The following PRR12 variants were observed in gnomAD, a reference collection of about 807,000 sequenced individuals.
PRR12 encodes proline rich 12.
PRR12 carries 12 observed loss-of-function variants against 138.0 expected under a neutral mutation model. The ratio of observed to expected loss-of-function variants is 0.09; its 90% confidence interval spans 0.06 to 0.14. The LOEUF is 0.14. Ranked by LOEUF, PRR12 falls within the 10% of genes least tolerant of loss-of-function variation. PRR12 has a pLI of 1.00. For missense variants in PRR12, 2,692 were observed against 2,861.3 expected (o/e 0.94, Z 1.35); for synonymous variants, 1,567 against 1,291.7 (o/e 1.21, Z -4.57).
At position 49,616,530 on chromosome 19, in the gene PRR12, A is replaced by G. The variant is rs1360148278; in HGVS notation, c.5497+311A>G. 6.6e-6 allele frequency among the ~76,000 whole-genome samples: 1 copy of G among 152,078 alleles called. No homozygotes were observed. Among genetic ancestry groups the G allele is most frequent in the East Asian group, 1.9e-4 (1 of 5,184 alleles). On this transcript the variant is annotated intron_variant, in intron 9 of 13. Coordinates refer to ENST00000418929, the MANE Select transcript of PRR12 (RefSeq NM_020719.3). The surrounding 1 kb of genome is among the most constrained non-coding windows in gnomAD (Gnocchi z 4.2). ...GTGTTGGGTGCCCAGCAGAGTTGCA[A>G]CTGAGCCCAGGGTGCCTCGGACTCT...
Position 49,591,646 on chromosome 19 carries a change from G to T in PRR12, c.-9G>T. 1.3e-6 allele frequency: 1 copy of T among 764,400 alleles called. No individual in the cohort carries two copies. Among genetic ancestry groups the T allele is most frequent in the Non-Finnish European group, 1.8e-6 (1 of 563,940 alleles). 47.4% of individuals were successfully genotyped at this position (764,400 alleles called of 1,614,324 possible). ...TCCCCCTCCCCCCAATTTCCACCGC[G>T]GCCAATTCATGGACAGGAACTACCC... On this transcript the variant is annotated 5_prime_UTR_variant, in exon 1 of 14. Coordinates refer to ENST00000418929, the MANE Select transcript of PRR12 (RefSeq NM_020719.3).
chr19:49,625,001 G>C lies in PRR12; in HGVS notation c.5868+11G>C. The C allele has an allele frequency of 6.2e-7, 1 of 1,603,040 alleles. No individual in the cohort carries two copies. On this transcript the variant is annotated intron_variant, in intron 12 of 13. Coordinates refer to ENST00000418929, the MANE Select transcript of PRR12 (RefSeq NM_020719.3). The surrounding 1 kb of genome is among the most constrained non-coding windows in gnomAD (Gnocchi z 5.5). ...GTGGTCAGAGCCCAGGTGGGCACTGGGGCTGGGGCTGGGAGTGGGGAGTGC... is the reference window on the plus strand; with the variant it reads ...GTGGTCAGAGCCCAGGTGGGCACTGCGGCTGGGGCTGGGAGTGGGGAGTGC...
intron 6 of PRR12, among the ~76,000 whole-genome samples, chr19:49,603,315 G>A (rs2048413165): frequency 6.6e-6 from 1 of 152,244 alleles, no homozygotes; most frequent in African/African-American, 2.4e-5. Flanking sequence ...TGGACGCCAA[G>A]GCCATTCTCC....
At chr19:49,611,515 G>A (rs1029242171) in intron 6 of PRR12, among the ~76,000 whole-genome samples, 1 of 151,750 alleles carries the variant, frequency 6.6e-6, no homozygotes, top group African/African-American at 2.4e-5. Flanking sequence ...GCAGGTGCCT[G>A]TAATCCCAGC....
rs1176998812 is a variant in PRR12 at position 49,595,704 on chromosome 19, T to C, written c.1369T>C (p.Tyr457His). The change falls in exon 4 of 14, where the codon TAC (tyrosine) becomes CAC (histidine). Residue 457 changes from tyrosine to histidine, a missense_variant. By Grantham distance (83) the Tyr-to-His change is moderately conservative. Coordinates refer to ENST00000418929, the MANE Select transcript of PRR12 (RefSeq NM_020719.3). ...QPQGLLGPQA[Y>H]GQGFGGGQAQ... ...TCAAGGGCTTCTGGGACCCCAGGCC[T>C]ACGGGCAAGGGTTTGGAGGGGGGCA... 6.3e-7 allele frequency: 1 copy of C among 1,591,722 alleles called. No individual in the cohort carries two copies. Among genetic ancestry groups the C allele is most frequent in the Non-Finnish European group, 8.5e-7 (1 of 1,169,682 alleles).
Position 49,616,327 on chromosome 19 carries a change from A to G in PRR12, c.5497+108A>G. 9.9e-7 allele frequency: 1 copy of G among 1,006,524 alleles called. No homozygotes were observed. Among genetic ancestry groups the G allele is most frequent in the Non-Finnish European group, 1.4e-6 (1 of 710,618 alleles). The allele number at this position is 1,006,524 out of a possible 1,614,324, so 62.3% of individuals were successfully genotyped here. Reference sequence around the variant, plus strand: ...CCTTGGCAGGACAGTAAGAACCAGTATGTTACAGATAATGGCAGTAGCTCA... The same window carrying G: ...CCTTGGCAGGACAGTAAGAACCAGTGTGTTACAGATAATGGCAGTAGCTCA... On this transcript the variant is annotated intron_variant, in intron 9 of 13. Transcript: ENST00000418929. This position sits in a 1 kb window ranked among gnomAD's most constrained non-coding sequence, Gnocchi z 4.2.
chr19:49,597,877 T>A lies in PRR12; in HGVS notation c.3542T>A (p.Val1181Asp). Reference sequence around the variant, plus strand: ...AGGCCCCGGATCCGCCCCCTGGAGGTCCCGACCACTGCGGGGCCCGCCTCG... The same window carrying A: ...AGGCCCCGGATCCGCCCCCTGGAGGACCCGACCACTGCGGGGCCCGCCTCG... ...RGRPRIRPLE[V>D]PTTAGPASAS... is the part of the protein sequence containing the mutation. The change falls in exon 4 of 14, where the codon GTC (valine) becomes GAC (aspartate). Residue 1181 changes from valine to aspartate, a missense_variant. Around this residue, in one of 11 missense-constraint regions of PRR12, gnomAD observed 326 missense variants for 344.2 expected, o/e 0.95. Transcript: ENST00000418929. The surrounding 1 kb of genome is among the most constrained non-coding windows in gnomAD (Gnocchi z 6.3). The A allele has an allele frequency of 1.4e-6, 2 of 1,444,672 alleles. No individual in the cohort carries two copies. Among genetic ancestry groups the A allele is most frequent in the South Asian group, 1.5e-5 (1 of 67,948 alleles). 89.5% of individuals were successfully genotyped at this position (1,444,672 alleles called of 1,614,324 possible).
intron 6 of PRR12, among the ~76,000 whole-genome samples, chr19:49,611,603 A>C (rs1474185057): frequency 7.2e-6 from 1 of 138,682 alleles, no homozygotes; most frequent in Non-Finnish European, 1.5e-5. Flanking sequence ...ACGTCACTGT[A>C]CTCCACCCTA....
At chr19:49,611,369 G>T (rs1395805863) in intron 6 of PRR12, among the ~76,000 whole-genome samples, 1 of 151,804 alleles carries the variant, frequency 6.6e-6, no homozygotes, top group Admixed American at 6.6e-5. Flanking sequence ...AGGCACAGTG[G>T]CTCACGCTTG....
At chr19:49,610,822 T>C (rs1210985172) in intron 6 of PRR12, among the ~76,000 whole-genome samples, 3 of 151,656 alleles carry the variant, frequency 2.0e-5, no homozygotes, top group Non-Finnish European at 2.9e-5. Flanking sequence ...GGATTACAGA[T>C]GTGAGCCACT....
At position 49,597,550 on chromosome 19, in the gene PRR12, T is replaced by C; in HGVS notation, c.3215T>C (p.Leu1072Pro). Residue 1072 changes from leucine to proline, a missense_variant, in exon 4 of 14, where the codon CTG (leucine) becomes CCG (proline). This residue lies in a region of PRR12 where 840 missense variants were observed against 689.8 expected (regional missense o/e 1.22). Transcript: ENST00000418929. This position sits in a 1 kb window ranked among gnomAD's most constrained non-coding sequence, Gnocchi z 6.3. ...TTCTGCTCTACCAAGCCAAAGAAGCTGCTCAAGACATCCTCCTTCCACCTG... is the reference window on the plus strand; with the variant it reads ...TTCTGCTCTACCAAGCCAAAGAAGCCGCTCAAGACATCCTCCTTCCACCTG... ...PIFCSTKPKK[L>P]LKTSSFHLLR... 6.3e-7 allele frequency: 1 copy of C among 1,586,112 alleles called. No homozygotes were observed. Among genetic ancestry groups the C allele is most frequent in the Non-Finnish European group, 8.6e-7 (1 of 1,168,402 alleles).
In PRR12 at chr19:49,616,261, G is replaced by A. The variant is rs1001383726; in HGVS notation, c.5497+42G>A. On this transcript the variant is annotated intron_variant, in intron 9 of 13. Transcript: ENST00000418929. The surrounding 1 kb of genome is among the most constrained non-coding windows in gnomAD (Gnocchi z 4.2). ...CCTCAGGGCTGCAGGGGTGGGTGGG[G>A]AAGGGACACAGGTGAGGGCTGTCCA... 2 of 1,444,286 alleles carry A rather than the reference G, an allele frequency of 1.4e-6. No homozygotes were observed. Among genetic ancestry groups the A allele is most frequent in the Non-Finnish European group, 9.2e-7 (1 of 1,085,364 alleles). 89.5% of individuals were successfully genotyped at this position (1,444,286 alleles called of 1,614,324 possible). A position where few individuals can be genotyped will look rare whatever the true frequency, so the allele number is the denominator to read the frequency against.
At chr19:49,607,757 G>A (rs1223727906) in intron 6 of PRR12, among the ~76,000 whole-genome samples, 4 of 151,590 alleles carry the variant, frequency 2.6e-5, no homozygotes, top group Non-Finnish European at 5.9e-5. Context: ...GGTGGCTCAC[G>A]CCTGTAATCG....
At chr19:49,615,035 C>CA (rs1568429785) in intron 8 of PRR12, 26 bp downstream of exon 8, 1 of 1,613,042 alleles carries the variant, frequency 6.2e-7, no homozygotes, top group East Asian at 2.2e-5. Context: ...GACACAGGGG[C>CA]AGGTAGTATG....
chr19:49,596,075 C>G lies in PRR12; in HGVS notation c.1740C>G (p.Val580=). Residue 580 remains valine (V), a synonymous_variant, in exon 4 of 14, where the codon GTC becomes GTG. Coordinates refer to ENST00000418929, the MANE Select transcript of PRR12 (RefSeq NM_020719.3). This position sits in a 1 kb window ranked among gnomAD's most constrained non-coding sequence, Gnocchi z 5.6. ...SPPATGRPPG[V]GSPGAPGKYL... ...CTGCCACCGGCCGTCCACCTGGAGT[C>G]GGCTCTCCAGGAGCCCCTGGCAAAT... 6.2e-7 allele frequency: 1 copy of G among 1,601,752 alleles called. No homozygotes were observed. Among genetic ancestry groups the G allele is most frequent in the Non-Finnish European group, 8.5e-7 (1 of 1,179,728 alleles).
intron 1 of PRR12, 78 bp downstream of exon 1, chr19:49,591,818 C>T: frequency 4.5e-6 from 4 of 884,290 alleles, no homozygotes; most frequent in Non-Finnish European, 6.2e-6. Context: ...CGGGCCGGGC[C>T]CGCCCGGCGA....
chr19:49,618,751 C>A (rs944506739), intron 9 of PRR12, among the ~76,000 whole-genome samples: 40 of 152,074 alleles, frequency 2.6e-4, no homozygotes, highest in African/African-American at 9.4e-4. Context: ...CTGTCCGCCC[C>A]CATCCCCTCC....
chr19:49,594,372 TG>T lies in PRR12; in HGVS notation c.200-81del. 7.3e-7 allele frequency: 1 copy of T among 1,368,168 alleles called. No homozygotes were observed. The highest frequency in any genetic ancestry group is 9.9e-7 in the Non-Finnish European group (1 of 1,008,672). 84.8% of individuals were successfully genotyped at this position (1,368,168 alleles called of 1,614,324 possible). A position where few individuals can be genotyped will look rare whatever the true frequency, so the allele number is the denominator to read the frequency against. On this transcript the variant is annotated intron_variant, in intron 2 of 13. Transcript: ENST00000418929. This position sits in a 1 kb window ranked among gnomAD's most constrained non-coding sequence, Gnocchi z 5.6. ...ATCCCCTCCTTTTCCTGATCCAACT[TG>T]CTTTTGGCCTCTTCCCTTTCTCTCT... is the stretch of plus-strand genomic sequence containing the variant.
chr19:49,605,801 G>A (rs568383325), intron 6 of PRR12, among the ~76,000 whole-genome samples: 124 of 152,376 alleles, frequency 8.1e-4, no homozygotes, highest in African/African-American at 2.9e-3. Flanking sequence ...GGCAGGGGAG[G>A]GGGCCAGGCG....
Sources: gnomAD v4.1 joint callset for allele counts (sites outside exome capture counted in the v4.1 genomes callset) on GRCh38, gnomAD v4.1.1 for gene constraint, gnomAD v4.1.1 regional missense constraint, Gnocchi (gnomAD v3.1) non-coding constraint, MANE v1.5 for transcripts, NCBI Gene and HGNC (gene_info 2026-07-23, HGNC 2026-07-21) for gene names.